Variants in IL22 observed in about 807,000 individuals in gnomAD.
IL22 encodes the protein interleukin-22.
In IL22, 15 loss-of-function variants were observed where a neutral mutation model predicts 15.5. The ratio of observed to expected loss-of-function variants is 0.97; its 90% CI spans 0.65 to 1.49. The LOEUF is 1.49. Ranked by LOEUF, IL22 falls within the 40% of genes most tolerant of loss-of-function variation. The pLI is 0.00. For synonymous variants in IL22, 91 were observed against 82.0 expected, an observed-to-expected ratio of 1.11 and a Z score of -0.60; for missense variants, 225 against 215.4, an observed-to-expected ratio of 1.04 and a Z score of -0.28.
chr12:68,249,236 G>A (rs2120542077), intron 5 of IL22, among the ~76,000 whole-genome samples: 1 of 152,270 alleles, frequency 6.6e-6, no homozygotes, highest in East Asian at 1.9e-4. Flanking sequence ...CTGTTTTGCA[G>A]CTCCAAAACT....
At chr12:68,252,706 C>T in intron 3 of IL22, 58 bp downstream of exon 3, 1 of 1,612,418 alleles carries the variant, frequency 6.2e-7, no homozygotes, top group Non-Finnish European at 8.5e-7. Flanking sequence ...CCATCATCAC[C>T]ACCACCCCAA....
intron 2 of IL22, 55 bp from the exon 3 acceptor site, chr12:68,252,884 T>G (rs1305547336): frequency 4.3e-6 from 6 of 1,406,794 alleles, no homozygotes; most frequent in African/African-American, 1.4e-5. Flanking sequence ...GAAAAAAAAT[T>G]TATACATAGA....
chr12:68,253,549 T>A, intron 1 of IL22, 34 bp downstream of exon 1: 1 of 888,642 alleles, frequency 1.1e-6, no homozygotes, highest in Non-Finnish European at 1.7e-6. Flanking sequence ...TTCATCAAAC[T>A]AACCAATTGT....
intron 2 of IL22, 126 bp downstream of exon 2, chr12:68,253,137 A>G (rs1029242873): frequency 1.3e-6 from 1 of 798,174 alleles, no homozygotes; most frequent in Non-Finnish European, 1.9e-6. Context: ...AAAAACAGAA[A>G]ATTTATCTAC....
At chr12:68,251,307 C>G (rs1296630595) in intron 5 of IL22, among the ~76,000 whole-genome samples, 1 of 152,124 alleles carries the variant, frequency 6.6e-6, no homozygotes, top group Non-Finnish European at 1.5e-5. Flanking sequence ...AGATCCCAAC[C>G]AGTTCTAGAA....
intron 5 of IL22, 53 bp from the exon 6 acceptor site, chr12:68,248,929 A>C: frequency 2.1e-6 from 3 of 1,429,240 alleles, no homozygotes; most frequent in Non-Finnish European, 2.9e-6. Context: ...TGTTTTCTAA[A>C]GTGAACAAAT....
At chr12:68,248,902 T>C in intron 5 of IL22, 26 bp from the exon 6 acceptor site, 1 of 1,571,004 alleles carries the variant, frequency 6.4e-7, no homozygotes, top group Non-Finnish European at 8.8e-7. Context: ...TGCAAAAGTA[T>C]TTGAGCATTT....
chr12:68,248,792 G>C lies in IL22; in HGVS notation c.*7C>G. The C allele has an allele frequency of 6.2e-7, 1 of 1,608,334 alleles. No individual in the cohort carries two copies. The highest frequency in any genetic ancestry group is 1.7e-5 in the Admixed American group (1 of 59,846). ...GGTTAGTTATTCATTTTTCAGCTTT[G>C]CTCTGGTCAAATGCAGGCATTTCTC... On this transcript the variant is annotated 3_prime_UTR_variant, in exon 6 of 6. Coordinates refer to ENST00000538666, the MANE Select transcript of IL22 (RefSeq NM_020525.5).
At position 68,248,772 on chromosome 12, in the gene IL22, G is replaced by C. The variant is rs772158791; in HGVS notation, c.*27C>G. The C allele has an allele frequency of 3.3e-5, 51 of 1,568,972 alleles. No individual in the cohort carries two copies. The highest frequency in any genetic ancestry group is 4.3e-5 in the Non-Finnish European group (49 of 1,142,426). On this transcript the variant is annotated 3_prime_UTR_variant, in exon 6 of 6. Coordinates refer to ENST00000538666, the MANE Select transcript of IL22 (RefSeq NM_020525.5). ...TATTTCTAGCAGGGAAAGGGGGTTA[G>C]TTATTCATTTTTCAGCTTTGCTCTG... is the stretch of plus-strand genomic sequence containing the variant.
At chr12:68,249,898 T>C (rs1298308933) in intron 5 of IL22, among the ~76,000 whole-genome samples, 1 of 152,234 alleles carries the variant, frequency 6.6e-6, no homozygotes, top group Non-Finnish European at 1.5e-5. Flanking sequence ...CAAAAAGATA[T>C]TCTTTTCTAT....
intron 5 of IL22, 58 bp from the exon 6 acceptor site, chr12:68,248,934 A>G: frequency 1.4e-6 from 2 of 1,380,246 alleles, no homozygotes; most frequent in Non-Finnish European, 2.1e-6. Context: ...TCTAAAGTGA[A>G]CAAATTAGAA....
rs971823278 is a variant in IL22, at chr12:68,251,721, C to A, written c.397-143G>T. 8 of 631,040 alleles carry A rather than the reference C, an allele frequency of 1.3e-5. No individual in the cohort carries two copies. In the African/African-American group the frequency reaches 1.5e-4, roughly 12 times the overall value. The allele number at this position is 631,040 out of a possible 1,614,324, so 39.1% of individuals were successfully genotyped here. A position where few individuals can be genotyped will look rare whatever the true frequency, so the allele number is the denominator to read the frequency against. ...ACAATGACCTAGATTTCAACAGTGA[C>A]CTAGATTTCCTGAGCTCTTGAATTC... On this transcript the variant is annotated intron_variant, in intron 4 of 5. Transcript: ENST00000538666.
chr12:68,251,702 A>G, intron 4 of IL22, 124 bp from the exon 5 acceptor site: 1 of 716,314 alleles, frequency 1.4e-6, no homozygotes, highest in Non-Finnish European at 2.4e-6. Context: ...GCCCACAATG[A>G]CCTAGATTTC....
At chr12:68,250,707 G>A (rs1042147714) in intron 5 of IL22, among the ~76,000 whole-genome samples, 1 of 152,034 alleles carries the variant, frequency 6.6e-6, no homozygotes, top group African/African-American at 2.4e-5. Context: ...CTATAGAAAT[G>A]TACACCAGCC....
At chr12:68,251,039 CA>C (rs1433510499) in intron 5 of IL22, among the ~76,000 whole-genome samples, 3 of 152,162 alleles carry the variant, frequency 2.0e-5, no homozygotes, top group Admixed American at 1.3e-4. Context: ...TTCCAAGTTT[CA>C]AAGCAATGCA....
rs141801221 is a variant in IL22 at position 68,251,529 on chromosome 12, T to C, written c.446A>G (p.Lys149Arg). ...CAGTCCTACCTTTTTCACTGTGTCC[T>C]TCAGCTTTTGCACATTCCTCTGGAT... ...LHIQRNVQKL[K>R]DTVKKLGESG... Residue 149 changes from lysine (K) to arginine (R), a missense_variant, in exon 5 of 6, where the codon AAG (lysine) becomes AGG (arginine). Coordinates refer to ENST00000538666, the MANE Select transcript of IL22 (RefSeq NM_020525.5). 9 of 1,611,738 alleles carry C rather than the reference T, an allele frequency of 5.6e-6. No individual in the cohort carries two copies. In the African/African-American group the frequency reaches 1.1e-4, roughly 19 times the overall value.
chr12:68,251,465 T>A (rs1221090845), intron 5 of IL22, 48 bp downstream of exon 5: 1 of 1,331,294 alleles, frequency 7.5e-7, no homozygotes, highest in South Asian at 1.2e-5. Flanking sequence ...AAAAACAACA[T>A]TTGTCTCTCC....
In IL22 at chr12:68,252,510, G is replaced by A. The variant is rs1231946015; in HGVS notation, c.390C>T (p.Ser130=). Residue 130 remains serine, a synonymous_variant, in exon 4 of 6, where the codon AGC becomes AGT. Transcript: ENST00000538666. ...PFLARLSNRL[S]TCHIEGDDLH... ...GGCTGAGAGCTGAACTTACACATGT[G>A]CTTAGCCTGTTGCTGAGCCTGGCCA... is the stretch of plus-strand genomic sequence containing the variant. 1 of 1,613,790 alleles carries A rather than the reference G, an allele frequency of 6.2e-7. No homozygotes were observed. The highest frequency in any genetic ancestry group is 8.5e-7 in the Non-Finnish European group (1 of 1,179,912).
chr12:68,250,096 C>A (rs1869876454), intron 5 of IL22, among the ~76,000 whole-genome samples: 1 of 152,134 alleles, frequency 6.6e-6, no homozygotes, highest in East Asian at 1.9e-4. Flanking sequence ...AACAACATTG[C>A]TCTCCCTCCT....
Sources: gnomAD v4.1 joint callset for allele counts (sites outside exome capture counted in the v4.1 genomes callset) on GRCh38, gnomAD v4.1.1 for gene constraint, MANE v1.5 for transcripts, NCBI Gene and HGNC (gene_info 2026-07-23, HGNC 2026-07-21) for gene names.